TSPAN16: variants seen among roughly 807,000 people sequenced by gnomAD.
TSPAN16 encodes tetraspanin 16.
In TSPAN16, 23 loss-of-function variants were observed where a neutral mutation model predicts 25.2. The ratio of observed to expected loss-of-function variants is 0.91; its 90% CI spans 0.66 to 1.29. TSPAN16 has a LOEUF of 1.29. Ranked by LOEUF, TSPAN16 falls within the 50% of genes most tolerant of loss-of-function variation. The probability of loss-of-function intolerance (pLI) is 0.00; values close to 1 mark genes in which losing one functional copy is unlikely to be tolerated. For synonymous variants in TSPAN16, 123 were observed against 124.4 expected, an observed-to-expected ratio of 0.99 and a Z score of 0.08; for missense variants, 272 against 299.9, an observed-to-expected ratio of 0.91 and a Z score of 0.69.
At chr19:11,307,582 C>T (rs2080643580) in intron 5 of TSPAN16, among the ~76,000 whole-genome samples, 1 of 151,852 alleles carries the variant, frequency 6.6e-6, no homozygotes, top group African/African-American at 2.4e-5. Context: ...CCATGCCTGG[C>T]TAATTTTTTT....
chr19:11,321,514 A>G (rs975555514), intron 6 of TSPAN16, among the ~76,000 whole-genome samples: 1 of 152,188 alleles, frequency 6.6e-6, no homozygotes. Context: ...AAGCCAAACC[A>G]TATCAACTGT....
At position 11,312,211 on chromosome 19, in the gene TSPAN16, G is replaced by A; in HGVS notation, c.676G>A (p.Ala226Thr). The A allele has an allele frequency of 6.2e-7, 1 of 1,611,220 alleles. No homozygotes were observed. Among genetic ancestry groups the A allele is most frequent in the Non-Finnish European group, 8.5e-7 (1 of 1,178,914 alleles). The change falls in exon 6 of 7, where the codon GCA becomes ACA. Residue 226 changes from alanine to threonine, a missense_variant. By Grantham distance (58) the Ala-to-Thr change is moderately conservative. Coordinates refer to ENST00000590327, the MANE Select transcript of TSPAN16 (RefSeq NM_001282509.2). ...CCTGAGTGGGAGCTCTCTGGGAGCT[G>A]CAGTGATACAGGTAAGACCCAGCCT... ...FTLSGSSLGA[A>T]VIQLPGILAT...
rs544637503 is a variant in TSPAN16 at position 11,305,209 on chromosome 19, A to G, written c.451-1395A>G. ...GCACCTGCTATGAGTCAGGCACTCT[A>G]TAGGGTTTTTGTTAGGGTACAAAAA... On this transcript the variant is annotated intron_variant, in intron 4 of 6. Transcript: ENST00000590327. Among the ~76,000 whole-genome samples, 19 of 152,206 alleles carry G rather than the reference A, an allele frequency of 1.2e-4. 1 individual carries two copies. The South Asian group carries it at 3.9e-3, about 32-fold the overall frequency.
intron 6 of TSPAN16, chr19:11,325,396 C>A (rs1430440473): frequency 2.1e-5 from 32 of 1,534,042 alleles, no homozygotes; most frequent in Non-Finnish European, 2.7e-5. Context: ...TGGGGGCCAT[C>A]TCTAGCAGCT....
At chr19:11,302,643 A>G (rs1400453214) in intron 4 of TSPAN16, among the ~76,000 whole-genome samples, 1 of 133,620 alleles carries the variant, frequency 7.5e-6, no homozygotes, top group Non-Finnish European at 1.5e-5. Context: ...ACACACATAC[A>G]TATATATATA....
chr19:11,297,449 GA>G lies in TSPAN16; in HGVS notation c.70-683del, dbSNP rs796598042. Among the ~76,000 whole-genome samples the G allele has an allele frequency of 1.7e-3, 253 of 146,968 alleles. 1 individual carries two copies. Among genetic ancestry groups the G allele is most frequent in the African/African-American group, 5.7e-3 (221 of 38,716 alleles). On this transcript the variant is annotated intron_variant, in intron 1 of 6. Transcript: ENST00000590327. ...GAGGCCACAACATCTGGGTTTTTCAGAAAAAAAAAATTGCTAATCCCTGTCC... is the reference window on the plus strand; with the variant it reads ...GAGGCCACAACATCTGGGTTTTTCAGAAAAAAAAATTGCTAATCCCTGTCC...
intron 6 of TSPAN16, among the ~76,000 whole-genome samples, chr19:11,315,380 ACCCCG>A (rs1282109893): frequency 3.4e-5 from 5 of 148,220 alleles, no homozygotes; most frequent in Non-Finnish European, 7.4e-5. Context: ...ACACAATAAA[ACCCCG>A]TCTCTACTAA....
chr19:11,326,086 G>A (rs2080810979), intron 6 of TSPAN16, among the ~76,000 whole-genome samples: 1 of 152,038 alleles, frequency 6.6e-6, no homozygotes, highest in African/African-American at 2.4e-5. Context: ...GCTGGGCATG[G>A]TGGCACGCGT....
chr19:11,297,876 C>G (rs570758284), intron 1 of TSPAN16, among the ~76,000 whole-genome samples: 112 of 152,254 alleles, frequency 7.4e-4, no homozygotes, highest in African/African-American at 2.6e-3. Flanking sequence ...ACTGCAGTCT[C>G]AACCTCATGA....
chr19:11,306,849 C>G, intron 5 of TSPAN16, 93 bp downstream of exon 5: 1 of 1,320,826 alleles, frequency 7.6e-7, no homozygotes. Context: ...GAGTTTCACC[C>G]TTGTCACCCA....
chr19:11,309,074 T>G (rs1256479400), intron 5 of TSPAN16, among the ~76,000 whole-genome samples: 2 of 149,606 alleles, frequency 1.3e-5, no homozygotes, highest in Non-Finnish European at 3.0e-5. Flanking sequence ...CTGGGCATGG[T>G]GGCATGAACC....
chr19:11,301,748 C>T (rs2080552471), intron 4 of TSPAN16, among the ~76,000 whole-genome samples: 1 of 151,896 alleles, frequency 6.6e-6, no homozygotes, highest in East Asian at 1.9e-4. Context: ...CTTCAGTGAA[C>T]TATGATGGTG....
chr19:11,319,866 A>G (rs541997008), downstream of TSPAN16, among the ~76,000 whole-genome samples: 75 of 151,954 alleles, frequency 4.9e-4, no homozygotes, highest in African/African-American at 1.2e-3. Flanking sequence ...CCAGGCTGGA[A>G]TGCAGTGACG....
Position 11,298,294 on chromosome 19 carries a change from C to G in TSPAN16, c.222C>G (p.Ala74=). 1 of 1,614,042 alleles carries G rather than the reference C, an allele frequency of 6.2e-7. No individual in the cohort carries two copies. ...GCATCACGGTACTGCTTGGCTGTGC[C>G]GGGTGGTATGGAGCGACTAAAGAGA... is the stretch of plus-strand genomic sequence containing the variant. ...MGCITVLLGC[A]GWYGATKESR... is the part of the protein sequence containing the mutation. The change falls in exon 2 of 7, where the codon GCC becomes GCG. Residue 74 remains alanine, a synonymous_variant. Transcript: ENST00000590327.
chr19:11,320,614 A>G (rs954687004), downstream of TSPAN16, among the ~76,000 whole-genome samples: 17 of 151,608 alleles, frequency 1.1e-4, no homozygotes, highest in Non-Finnish European at 2.4e-4. Context: ...TCGAGGCTGC[A>G]GTGAGCCATG....
Position 11,296,323 on chromosome 19 carries a change from C to T in TSPAN16, c.26C>T (p.Ser9Phe), listed in dbSNP as rs749203415. 20 of 1,614,086 alleles carry T rather than the reference C, an allele frequency of 1.2e-5. No individual in the cohort carries two copies. In the East Asian group the frequency reaches 4.0e-4, roughly 32 times the overall value. Residue 9 changes from serine to phenylalanine, a missense_variant, in exon 1 of 7, where the codon TCT (serine) becomes TTT (phenylalanine). By Grantham distance (155) the Ser-to-Phe change is radical (BLOSUM62 -2). Transcript: ENST00000590327. ...ATGGCTGAAATCCACACTCCGTATTCTTCCTTGAAGAAACTGTTATCTTTA... is the reference window on the plus strand; with the variant it reads ...ATGGCTGAAATCCACACTCCGTATTTTTCCTTGAAGAAACTGTTATCTTTA... The part of the protein sequence containing the change: MAEIHTPY[S>F]SLKKLLSLLN...
In TSPAN16 at chr19:11,300,060, G is replaced by C. The variant is rs1168239216; in HGVS notation, c.342+1114G>C. The stretch of plus-strand genomic sequence containing the variant: ...CTAGTGAGTATGAATAAGGGTTTAG[G>C]CAAGTTAAAATACATCGACACAGTG... On this transcript the variant is annotated intron_variant, in intron 3 of 6. Transcript: ENST00000590327. 4.6e-5 allele frequency among the ~76,000 whole-genome samples: 7 copies of C among 152,124 alleles called. No individual in the cohort carries two copies. The East Asian group carries it at 1.3e-3, about 29-fold the overall frequency.
At chr19:11,322,187 G>A (rs760974584) in intron 6 of TSPAN16, 3 of 152,150 alleles carry the variant, frequency 2.0e-5, no homozygotes, top group East Asian at 1.9e-4. Flanking sequence ...GCCAGAGCTC[G>A]TTCAGTAGTG....
intron 4 of TSPAN16, 114 bp from the exon 5 acceptor site, chr19:11,306,490 A>G (rs557613297): frequency 1.6e-6 from 2 of 1,277,032 alleles, no homozygotes; most frequent in African/African-American, 2.9e-5. Context: ...GAGGATGTTT[A>G]GCACAGTCTC....
Sources: gnomAD v4.1 joint callset for allele counts (sites outside exome capture counted in the v4.1 genomes callset) on GRCh38, gnomAD v4.1.1 for gene constraint, MANE v1.5 for transcripts, NCBI Gene and HGNC (gene_info 2026-07-23, HGNC 2026-07-21) for gene names.